SNX25: variants seen among roughly 807,000 people sequenced by gnomAD.
SNX25 encodes sorting nexin 25.
In SNX25, 62 loss-of-function variants were observed where a neutral mutation model predicts 113.7. The observed-to-expected ratio is 0.55, with a 90% confidence interval of 0.44 to 0.67. The LOEUF is 0.67. Among genes scored for constraint, SNX25 ranks in the 30% least tolerant of loss-of-function variants. SNX25 has a pLI of 0.00. For synonymous variants in SNX25, 421 were observed against 436.2 expected (o/e 0.97, Z 0.43); for missense variants, 1,014 against 1,161.0 (o/e 0.87, Z 1.84).
rs1741854593 is a variant in SNX25 at position 185,231,477 on chromosome 4, A to AAGCAGGCAGATCACTTGAAGTC, written c.430-15814_430-15793dup. Reference sequence around the variant, plus strand: ...GTAATCCCAGCACTTTGGGAGGGCGAAGCAGGCAGATCACTTGAAGTCAGG... The same window carrying AAGCAGGCAGATCACTTGAAGTC: ...GTAATCCCAGCACTTTGGGAGGGCGAAGCAGGCAGATCACTTGAAGTCAGCAGGCAGATCACTTGAAGTCAGG... On this transcript the variant is annotated intron_variant, in intron 1 of 18. Coordinates refer to ENST00000652585, the MANE Select transcript of SNX25 (RefSeq NM_001378034.2). Among the ~76,000 whole-genome samples, 4 of 151,934 alleles carry AAGCAGGCAGATCACTTGAAGTC rather than the reference A, an allele frequency of 2.6e-5. No homozygotes were observed. In the South Asian group the frequency reaches 8.4e-4, roughly 32 times the overall value.
chr4:185,378,156 T>A, the SNX25 span: 778 of 1,614,114 alleles, frequency 4.8e-4, 2 homozygotes, highest in Middle Eastern at 4.8e-3. Flanking sequence ...TAAAAGGGGT[T>A]CTTGGGCAAC....
intron 6 of SNX25, among the ~76,000 whole-genome samples, chr4:185,294,393 C>G (rs1301779650): frequency 6.6e-6 from 1 of 152,134 alleles, no homozygotes; most frequent in African/African-American, 2.4e-5. Flanking sequence ...CTCTAGGACT[C>G]AGTTGTTTTC....
intron 8 of SNX25, 74 bp from the exon 9 acceptor site, chr4:185,323,454 C>T: frequency 1.4e-6 from 2 of 1,433,060 alleles, no homozygotes; most frequent in Non-Finnish European, 1.9e-6. Context: ...CTTTCAAATG[C>T]AAATAATTCA....
chr4:185,228,956 C>CT (rs1254904513), intron 1 of SNX25, among the ~76,000 whole-genome samples: 2 of 152,152 alleles, frequency 1.3e-5, no homozygotes, highest in Non-Finnish European at 2.9e-5. Context: ...GCCAGGCTTT[C>CT]TTTGACAGGA....
chr4:185,252,457 CTGTAGTAATT>C (rs1745806785), intron 2 of SNX25, among the ~76,000 whole-genome samples: 1 of 152,098 alleles, frequency 6.6e-6, no homozygotes, highest in South Asian at 2.1e-4. Flanking sequence ...CTTGTTAAGG[CTGTAGTAATT>C]TGAGTTCGGT....
intron 10 of SNX25, among the ~76,000 whole-genome samples, chr4:185,337,542 G>A (rs935850004): frequency 2.0e-5 from 3 of 152,172 alleles, no homozygotes; most frequent in Non-Finnish European, 4.4e-5. Flanking sequence ...TGTTAGTAAT[G>A]TTACAATGAA....
chr4:185,349,893 T>TA (rs2095306804), intron 13 of SNX25, among the ~76,000 whole-genome samples: 1 of 152,258 alleles, frequency 6.6e-6, no homozygotes, highest in Admixed American at 6.5e-5. Context: ...TGTAAAATGT[T>TA]AGAGAGTAGA....
intron 6 of SNX25, among the ~76,000 whole-genome samples, chr4:185,302,749 G>A (rs1347583360): frequency 1.3e-5 from 2 of 152,168 alleles, no homozygotes. Flanking sequence ...TGCAGTCTGT[G>A]GTGTTCTGTT....
intron 1 of SNX25, among the ~76,000 whole-genome samples, chr4:185,213,549 G>C (rs1738279167): frequency 6.6e-6 from 1 of 152,260 alleles, no homozygotes; most frequent in South Asian, 2.1e-4. Context: ...CTGCTGTTGG[G>C]GTTGACAGTT....
intron 5 of SNX25, among the ~76,000 whole-genome samples, chr4:185,282,016 AAAAT>A (rs1273912021): frequency 2.0e-5 from 3 of 152,198 alleles, no homozygotes; most frequent in African/African-American, 4.8e-5. Flanking sequence ...ACTCCATCTC[AAAAT>A]AAATAAATAA....
intron 1 of SNX25, among the ~76,000 whole-genome samples, chr4:185,239,295 A>G (rs1460337454): frequency 6.6e-6 from 1 of 151,856 alleles, no homozygotes; most frequent in Non-Finnish European, 1.5e-5. Flanking sequence ...CATCCTGGCC[A>G]ACACGGTGAA....
At chr4:185,364,467 A>G (rs575492895), downstream of SNX25, 11 of 152,344 alleles carry the variant, frequency 7.2e-5, no homozygotes, top group Admixed American at 6.5e-4. Flanking sequence ...CAATTAAACA[A>G]GTAACAGGTA....
chr4:185,271,285 A>G (rs1383456754), intron 5 of SNX25, among the ~76,000 whole-genome samples: 1 of 152,184 alleles, frequency 6.6e-6, no homozygotes, highest in African/African-American at 2.4e-5. Flanking sequence ...TGACTAGTCT[A>G]TTAGAGGCAA....
At chr4:185,313,023 GGAA>G (rs2095043379) in intron 7 of SNX25, among the ~76,000 whole-genome samples, 1 of 152,096 alleles carries the variant, frequency 6.6e-6, no homozygotes, top group Non-Finnish European at 1.5e-5. Context: ...TTCATGAGTG[GGAA>G]GAAAACTTTT....
chr4:185,277,954 G>C lies in SNX25; in HGVS notation c.1092-10058G>C, dbSNP rs1272337752. 3.1e-5 allele frequency among the ~76,000 whole-genome samples: 4 copies of C among 128,070 alleles called. 1 individual carries two copies. Among genetic ancestry groups the C allele is most frequent in the Middle Eastern group, 6.9e-3 (2 of 290 alleles). 84.0% of individuals were successfully genotyped at this position (128,070 alleles called of 152,430 possible). ...TCACCGTTTTAGCCGGGATGGTCTC[G>C]ATCTCCTGACCTCGTGATCCGCCCG... On this transcript the variant is annotated intron_variant, in intron 5 of 18. Coordinates refer to ENST00000652585, the MANE Select transcript of SNX25 (RefSeq NM_001378034.2).
intron 15 of SNX25, among the ~76,000 whole-genome samples, chr4:185,356,954 A>C (rs907465067): frequency 6.6e-6 from 1 of 152,232 alleles, no homozygotes. Flanking sequence ...GTTAACAATA[A>C]AAGTTTAGGT....
intron 7 of SNX25, among the ~76,000 whole-genome samples, chr4:185,315,395 G>C (rs1301642851): frequency 4.0e-5 from 6 of 148,312 alleles, no homozygotes; most frequent in African/African-American, 1.5e-4. Flanking sequence ...CCAGATTCAA[G>C]CAATTCTCCT....
intron 7 of SNX25, among the ~76,000 whole-genome samples, chr4:185,314,061 G>A (rs576697906): frequency 1.4e-4 from 21 of 152,230 alleles, no homozygotes; most frequent in East Asian, 3.9e-4. Context: ...TGTCAGGGGC[G>A]GCAGATGTGG....
At chr4:185,217,062 T>G (rs1738967803) in intron 1 of SNX25, among the ~76,000 whole-genome samples, 1 of 152,156 alleles carries the variant, frequency 6.6e-6, no homozygotes, top group Non-Finnish European at 1.5e-5. Flanking sequence ...GTTGGCATTT[T>G]CTGAGCCCAG....
Sources: gnomAD v4.1 joint callset for allele counts (sites outside exome capture counted in the v4.1 genomes callset) on GRCh38, gnomAD v4.1.1 for gene constraint, MANE v1.5 for transcripts, NCBI Gene and HGNC (gene_info 2026-07-23, HGNC 2026-07-21) for gene names.